The following FAM78B variants were observed in gnomAD, a reference collection of about 807,000 sequenced individuals.
FAM78B encodes protein FAM78B.
In FAM78B, 10 loss-of-function variants were observed where a neutral mutation model predicts 20.0. That is an observed-to-expected ratio of 0.50 (90% confidence interval 0.31 to 0.85). The LOEUF (loss-of-function observed/expected upper bound fraction) is 0.85. Ranked by LOEUF, FAM78B falls within the 40% of genes least tolerant of loss-of-function variation. FAM78B has a pLI of 0.05. For synonymous variants in FAM78B, 135 were observed against 132.8 expected, an observed-to-expected ratio of 1.02 and a Z score of -0.12; for missense variants, 283 against 345.0, an observed-to-expected ratio of 0.82 and a Z score of 1.42.
In FAM78B at chr1:166,086,261, C is replaced by T. The variant is rs146280727; in HGVS notation, c.264-15498G>A. Among the ~76,000 whole-genome samples the T allele has an allele frequency of 5.9e-5, 9 of 152,260 alleles. No homozygotes were observed. In the East Asian group the frequency reaches 1.7e-3, roughly 29 times the overall value. The stretch of plus-strand genomic sequence containing the variant: ...GCCAGTACTGACCCAGGTCCTCTAA[C>T]CTGATTCTCCCTCCCCCACCATCCC... On this transcript the variant is annotated intron_variant, in intron 1 of 1. Coordinates refer to ENST00000354422, the MANE Select transcript of FAM78B (RefSeq NM_001017961.5).
In FAM78B at chr1:166,096,158, G is replaced by A. The variant is rs1332321738; in HGVS notation, c.264-25395C>T. On this transcript the variant is annotated intron_variant, in intron 1 of 1. Transcript: ENST00000354422. ...CTCTAAGAAACTCAAATTGCCAGTC[G>A]TCCCACGAACCTCTGCTGTTCTCAG... Among the ~76,000 whole-genome samples the A allele has an allele frequency of 2.0e-5, 3 of 152,158 alleles. No homozygotes were observed. In the East Asian group the frequency reaches 5.8e-4, roughly 29 times the overall value.
At chr1:166,068,825 G>T (rs1473558544), downstream of FAM78B, among the ~76,000 whole-genome samples, 7 of 152,270 alleles carry the variant, frequency 4.6e-5, no homozygotes, top group Admixed American at 3.3e-4. Flanking sequence ...GAATTATTGA[G>T]AATAAAGGGA....
downstream of FAM78B, among the ~76,000 whole-genome samples, chr1:166,056,302 T>TATGAATGA (rs59841297): frequency 2.6e-5 from 4 of 151,232 alleles, no homozygotes; most frequent in Non-Finnish European, 5.9e-5. Context: ...AGAGAGAGAA[T>TATGAATGA]ATGAATGAAT....
chr1:166,137,960 A>G (rs1321554250), intron 1 of FAM78B, among the ~76,000 whole-genome samples: 1 of 152,206 alleles, frequency 6.6e-6, no homozygotes, highest in Non-Finnish European at 1.5e-5. Flanking sequence ...CATGTCTCAG[A>G]ACAGAGCAGG....
At chr1:166,071,834 C>T (rs980332432) in intron 1 of FAM78B, among the ~76,000 whole-genome samples, 20 of 152,142 alleles carry the variant, frequency 1.3e-4, no homozygotes, top group African/African-American at 4.6e-4. Flanking sequence ...AGTACCCTTA[C>T]ACAGCGCTGG....
At position 166,070,847 on chromosome 1, in the gene FAM78B, C is replaced by T. The variant is rs1180861353; in HGVS notation, c.264-84G>A. Reference sequence around the variant, plus strand: ...TGGAGAGGTGCTCACTGCTTACTAACATAGTCAACTTGGGCAAAATGGGAA... The same window carrying T: ...TGGAGAGGTGCTCACTGCTTACTAATATAGTCAACTTGGGCAAAATGGGAA... On this transcript the variant is annotated intron_variant, in intron 1 of 1. Coordinates refer to ENST00000354422, the MANE Select transcript of FAM78B (RefSeq NM_001017961.5). The T allele has an allele frequency of 3.8e-5, 54 of 1,428,270 alleles. No individual in the cohort carries two copies. The Middle Eastern group carries it at 7.4e-4, about 20-fold the overall frequency. 88.5% of individuals were successfully genotyped at this position (1,428,270 alleles called of 1,614,324 possible).
chr1:166,081,520 T>C (rs1461112658), intron 1 of FAM78B, among the ~76,000 whole-genome samples: 1 of 152,212 alleles, frequency 6.6e-6, no homozygotes, highest in East Asian at 1.9e-4. Context: ...TGTTCTCTAA[T>C]GCCTGCAGAG....
chr1:166,077,978 T>C (rs1359708828), intron 1 of FAM78B, among the ~76,000 whole-genome samples: 2 of 74,066 alleles, frequency 2.7e-5, no homozygotes, highest in African/African-American at 1.0e-4. Flanking sequence ...ATAATAAATA[T>C]ATATAATTTA....
At chr1:166,069,009 G>A (rs77368539), downstream of FAM78B, among the ~76,000 whole-genome samples, 1,474 of 152,272 alleles carry the variant, frequency 9.7e-3, 27 homozygotes, top group African/African-American at 0.034. Flanking sequence ...CTTAACATGA[G>A]TAGCTTAGAT....
intron 1 of FAM78B, among the ~76,000 whole-genome samples, chr1:166,074,509 C>T (rs1174041367): frequency 6.6e-6 from 1 of 152,162 alleles, no homozygotes; most frequent in African/African-American, 2.4e-5. Context: ...TAGTGTCTTG[C>T]ACATGGCTGG....
chr1:166,126,041 G>A (rs1654630780), intron 1 of FAM78B, among the ~76,000 whole-genome samples: 1 of 151,952 alleles, frequency 6.6e-6, no homozygotes, highest in South Asian at 2.1e-4. Flanking sequence ...CATGTTGGTT[G>A]GCCAGGATGG....
At chr1:166,085,569 T>C (rs998571424) in intron 1 of FAM78B, among the ~76,000 whole-genome samples, 53 of 152,298 alleles carry the variant, frequency 3.5e-4, no homozygotes, top group African/African-American at 1.2e-3. Context: ...TAGATACTTA[T>C]CAGCTGAATG....
At chr1:166,064,557 C>A (rs1651729438), downstream of FAM78B, among the ~76,000 whole-genome samples, 1 of 152,142 alleles carries the variant, frequency 6.6e-6, no homozygotes, top group African/African-American at 2.4e-5. Flanking sequence ...ATGCAAAAAT[C>A]TTTCTTTCCT....
chr1:166,160,671 AT>A (rs751627511), intron 1 of FAM78B, among the ~76,000 whole-genome samples: 1 of 152,234 alleles, frequency 6.6e-6, no homozygotes, highest in Non-Finnish European at 1.5e-5. Flanking sequence ...AAGAGACATT[AT>A]TTGTTGAAGA....
At chr1:166,154,117 C>A (rs950142217) in intron 1 of FAM78B, among the ~76,000 whole-genome samples, 2 of 152,234 alleles carry the variant, frequency 1.3e-5, no homozygotes, top group Admixed American at 6.5e-5. Flanking sequence ...CCCAGCTGAG[C>A]CCTGCTGTCA....
chr1:166,108,034 A>AT (rs2101753863), intron 1 of FAM78B, among the ~76,000 whole-genome samples: 1 of 152,342 alleles, frequency 6.6e-6, no homozygotes, highest in Admixed American at 6.5e-5. Flanking sequence ...CACAGCCAAC[A>AT]TAATACTGAA....
At chr1:166,062,923 T>C (rs1420727094) in intron 2 of FAM78B, among the ~76,000 whole-genome samples, 1 of 152,264 alleles carries the variant, frequency 6.6e-6, no homozygotes, top group Non-Finnish European at 1.5e-5. Context: ...AGCTGTTTCT[T>C]TCATCCCCAG....
At chr1:166,058,995 G>C (rs1651467412) in exon 3 of FAM78B, 1 of 152,640 alleles carries the variant, frequency 6.6e-6, no homozygotes, top group Non-Finnish European at 1.5e-5. Flanking sequence ...TGGCTCTGCA[G>C]AAATGGCCAA....
chr1:166,075,884 T>C (rs1297297708), intron 1 of FAM78B, among the ~76,000 whole-genome samples: 2 of 152,218 alleles, frequency 1.3e-5, no homozygotes, highest in Non-Finnish European at 2.9e-5. Context: ...AATCCATATA[T>C]TCACCTGCCC....
Sources: gnomAD v4.1 joint callset for allele counts (sites outside exome capture counted in the v4.1 genomes callset) on GRCh38, gnomAD v4.1.1 for gene constraint, MANE v1.5 for transcripts, NCBI Gene and HGNC (gene_info 2026-07-23, HGNC 2026-07-21) for gene names.